EPHA6: variants seen among roughly 807,000 people sequenced by gnomAD.
The protein encoded by EPHA6 is ephrin type-A receptor 6.
EPHA6 carries 50 observed loss-of-function variants against 112.0 expected under a neutral mutation model. The ratio of observed to expected loss-of-function variants is 0.45; its 90% CI spans 0.36 to 0.56. EPHA6 has a LOEUF of 0.56. Ranked by LOEUF, EPHA6 falls within the 20% of genes least tolerant of loss-of-function variation. The pLI is 0.00. For missense variants in EPHA6, 1,280 were observed against 1,417.4 expected (o/e 0.90, Z 1.56); for synonymous variants, 529 against 490.7 (o/e 1.08, Z -1.03).
intron 11 of EPHA6, among the ~76,000 whole-genome samples, chr3:97,541,718 CT>C (rs1271464126): frequency 1.2e-4 from 14 of 118,128 alleles, no homozygotes; most frequent in African/African-American, 5.4e-4. Flanking sequence ...GTCTTGTTTT[CT>C]TTTTTTTGTT....
At chr3:97,397,619 T>G (rs932548621) in intron 5 of EPHA6, among the ~76,000 whole-genome samples, 2 of 151,596 alleles carry the variant, frequency 1.3e-5, no homozygotes, top group Admixed American at 6.6e-5. Flanking sequence ...GATTCAGTTC[T>G]TACATAGTAT....
chr3:97,551,545 C>T lies in EPHA6; in HGVS notation c.2386+19002C>T, dbSNP rs1021183108. On this transcript the variant is annotated intron_variant, in intron 11 of 17. Transcript: ENST00000389672. ...ATAATGTGTTGACCTTTCTCCTGCA[C>T]ATTAACAAGCATGATTCTTTTGAAA... Among the ~76,000 whole-genome samples the T allele has an allele frequency of 1.6e-4, 24 of 152,090 alleles. 1 individual carries two copies. The highest frequency in any genetic ancestry group is 1.5e-3 in the Admixed American group (23 of 15,260).
chr3:97,168,615 G>C (rs77698369), intron 3 of EPHA6, among the ~76,000 whole-genome samples: 6 of 93,938 alleles, frequency 6.4e-5, no homozygotes, highest in African/African-American at 4.4e-4. Context: ...CTCTGTCTCT[G>C]TCTCTCTCTT....
chr3:97,460,377 T>C (rs145135182), intron 7 of EPHA6, among the ~76,000 whole-genome samples: 358 of 152,372 alleles, frequency 2.3e-3, no homozygotes, highest in African/African-American at 8.2e-3. Context: ...TATTCATTTG[T>C]ATGTAGAGTC....
Position 97,402,967 on chromosome 3 carries a change from C to A in EPHA6, c.1607-2183C>A, listed in dbSNP as rs527264233. On this transcript the variant is annotated intron_variant, in intron 5 of 17. Coordinates refer to ENST00000389672, the MANE Select transcript of EPHA6 (RefSeq NM_001080448.3). ...ATATGACAGAATCAATTTTTCAAAT[C>A]TAATTCTCACCTGTGATTGGTACAT... Among the ~76,000 whole-genome samples the A allele has an allele frequency of 7.2e-5, 11 of 152,130 alleles. 1 individual carries two copies. Among genetic ancestry groups the A allele is most frequent in the African/African-American group, 2.6e-4 (11 of 41,552 alleles).
intron 3 of EPHA6, among the ~76,000 whole-genome samples, chr3:97,207,960 A>G (rs1230116980): frequency 6.6e-6 from 1 of 152,136 alleles, no homozygotes; most frequent in Non-Finnish European, 1.5e-5. Context: ...GAATGGCTAT[A>G]TAGGGGGATT....
chr3:97,643,758 C>A (rs1323782637), intron 14 of EPHA6, among the ~76,000 whole-genome samples: 1 of 151,516 alleles, frequency 6.6e-6, no homozygotes, highest in African/African-American at 2.4e-5. Context: ...TATATATGCA[C>A]CCAATACAGG....
At chr3:97,401,933 C>T (rs539662004) in intron 5 of EPHA6, among the ~76,000 whole-genome samples, 1 of 151,826 alleles carries the variant, frequency 6.6e-6, no homozygotes, top group Admixed American at 6.6e-5. Flanking sequence ...AACTCAGAAG[C>T]ATTTTGTTTA....
At chr3:97,476,450 A>G (rs2091371741) in intron 8 of EPHA6, among the ~76,000 whole-genome samples, 1 of 152,150 alleles carries the variant, frequency 6.6e-6, no homozygotes, top group Non-Finnish European at 1.5e-5. Context: ...TTGGTACGTC[A>G]GAAAGAGCAG....
chr3:97,255,670 T>C (rs953472805), intron 5 of EPHA6, among the ~76,000 whole-genome samples: 1 of 152,162 alleles, frequency 6.6e-6, no homozygotes, highest in African/African-American at 2.4e-5. Context: ...ACTCAAATAA[T>C]TAGCACTTTA....
chr3:97,640,675 C>G (rs577423997), intron 14 of EPHA6, among the ~76,000 whole-genome samples: 3 of 151,456 alleles, frequency 2.0e-5, no homozygotes, highest in Non-Finnish European at 4.4e-5. Flanking sequence ...GGCTACTCGG[C>G]AGGCTGAGGC....
In EPHA6 at chr3:97,755,539, T is replaced by C. The variant is rs970843073; in HGVS notation, c.*6838T>C. Among the ~76,000 whole-genome samples, 2 of 152,192 alleles carry C rather than the reference T, an allele frequency of 1.3e-5. No homozygotes were observed. Among genetic ancestry groups the C allele is most frequent in the African/African-American group, 2.4e-5 (1 of 41,452 alleles). ...GAGGACAACTCTAATTCAGGATTCCTATTTAGTTAGTAACAGGGTCTCCAT... is the reference window on the plus strand; with the variant it reads ...GAGGACAACTCTAATTCAGGATTCCCATTTAGTTAGTAACAGGGTCTCCAT... On this transcript the variant is annotated 3_prime_UTR_variant, in exon 18 of 18. Transcript: ENST00000389672.
chr3:97,215,336 T>C (rs2078002690), intron 3 of EPHA6, among the ~76,000 whole-genome samples: 1 of 152,256 alleles, frequency 6.6e-6, no homozygotes, highest in Admixed American at 6.5e-5. Flanking sequence ...TGTGTGTGTG[T>C]ATGTGACTGA....
intron 11 of EPHA6, among the ~76,000 whole-genome samples, chr3:97,565,352 G>A (rs986286507): frequency 6.6e-6 from 1 of 152,012 alleles, no homozygotes; most frequent in South Asian, 2.1e-4. Context: ...TTTTTGTAAA[G>A]AGGAATCTAT....
intron 14 of EPHA6, among the ~76,000 whole-genome samples, chr3:97,642,894 C>A (rs1199721100): frequency 3.4e-5 from 5 of 144,942 alleles, no homozygotes; most frequent in Non-Finnish European, 6.1e-5. Flanking sequence ...GAACTCTCCC[C>A]AATCTAGCAA....
chr3:96,867,783 T>G (rs2107458863), intron 2 of EPHA6, among the ~76,000 whole-genome samples: 1 of 152,052 alleles, frequency 6.6e-6, no homozygotes, highest in Admixed American at 6.6e-5. Context: ...ATATGTTTTA[T>G]TCTTTTAGAA....
intron 14 of EPHA6, among the ~76,000 whole-genome samples, chr3:97,687,639 A>G (rs1012443035): frequency 1.3e-5 from 2 of 152,238 alleles, no homozygotes; most frequent in African/African-American, 2.4e-5. Context: ...CAGATGCTAT[A>G]TAATTTTGTT....
chr3:96,888,223 G>T (rs2037747669), intron 2 of EPHA6, among the ~76,000 whole-genome samples: 1 of 152,116 alleles, frequency 6.6e-6, no homozygotes, highest in African/African-American at 2.4e-5. Flanking sequence ...GGCAGGAATG[G>T]CCTGCTTGGC....
chr3:97,205,094 A>G (rs1016033812), intron 3 of EPHA6, among the ~76,000 whole-genome samples: 15 of 152,120 alleles, frequency 9.9e-5, no homozygotes, highest in Admixed American at 7.2e-4. Flanking sequence ...AAAAGCACTC[A>G]TTCCAATCAG....
Sources: allele counts gnomAD v4.1 joint callset (sites outside exome capture counted in the v4.1 genomes callset), GRCh38; gene constraint gnomAD v4.1.1; transcripts MANE v1.5; gene names NCBI Gene and HGNC (gene_info 2026-07-23, HGNC 2026-07-21).